The following IL1RAPL1 variants were observed in gnomAD, a reference collection of about 807,000 sequenced individuals.
IL1RAPL1 encodes interleukin-1 receptor accessory protein-like 1.
In IL1RAPL1, 3 loss-of-function variants were observed where a neutral mutation model predicts 48.4. That is an observed-to-expected ratio of 0.06 (90% confidence interval 0.03 to 0.16). IL1RAPL1 has a LOEUF of 0.16. Among genes scored for constraint, IL1RAPL1 ranks in the 10% least tolerant of loss-of-function variants. The pLI is 1.00. For missense variants in IL1RAPL1, 349 were observed against 530.6 expected, an observed-to-expected ratio of 0.66 and a Z score of 3.36; for synonymous variants, 185 against 187.7, an observed-to-expected ratio of 0.99 and a Z score of 0.12.
chrX:29,949,129 TAAAGAG>T (rs1481716742), intron 9 of IL1RAPL1, among the ~76,000 whole-genome samples: 3 of 112,151 alleles, frequency 2.7e-5, no homozygotes, highest in Non-Finnish European at 3.8e-5. Flanking sequence ...TCTCATATGT[TAAAGAG>T]AAAGGTGCAT....
intron 5 of IL1RAPL1, among the ~76,000 whole-genome samples, chrX:29,506,906 A>G (rs1190426604): frequency 1.8e-5 from 2 of 110,877 alleles, no homozygotes; most frequent in African/African-American, 3.3e-5. Context: ...GCTCACCTCA[A>G]TCTCACTTTC....
chrX:29,430,215 A>C (rs148930335), intron 5 of IL1RAPL1, among the ~76,000 whole-genome samples: 2 of 111,117 alleles, frequency 1.8e-5, no homozygotes, highest in Non-Finnish European at 3.8e-5. Flanking sequence ...AAAATAACAC[A>C]AACTTCCTGG....
At chrX:29,795,783 G>A (rs1929730529) in intron 6 of IL1RAPL1, among the ~76,000 whole-genome samples, 1 of 112,838 alleles carries the variant, frequency 8.9e-6, no homozygotes, top group African/African-American at 3.2e-5. Context: ...TGTTGAAGAA[G>A]ACCAAGTCTG....
chrX:29,128,484 T>C (rs902897846), intron 2 of IL1RAPL1, among the ~76,000 whole-genome samples: 1 of 111,793 alleles, frequency 8.9e-6, no homozygotes, highest in Non-Finnish European at 1.9e-5. Flanking sequence ...AAGCACCTTC[T>C]GTCTCTTTGA....
At chrX:29,708,152 G>A (rs1927250949) in intron 6 of IL1RAPL1, among the ~76,000 whole-genome samples, 1 of 109,769 alleles carries the variant, frequency 9.1e-6, no homozygotes, top group Non-Finnish European at 1.9e-5. Context: ...GTATATTTTT[G>A]AACTATAATG....
intron 2 of IL1RAPL1, among the ~76,000 whole-genome samples, chrX:28,972,222 A>G (rs777822930): frequency 1.8e-5 from 2 of 111,157 alleles, no homozygotes; most frequent in African/African-American, 6.5e-5. Context: ...ATGAAATCCA[A>G]ACTTTTTGGC....
At chrX:28,879,619 G>A (rs989481565) in intron 2 of IL1RAPL1, among the ~76,000 whole-genome samples, 1 of 111,703 alleles carries the variant, frequency 9.0e-6, no homozygotes, top group Non-Finnish European at 1.9e-5. Flanking sequence ...TAGTAATTCT[G>A]TGAATGCATG....
At chrX:28,905,279 AG>A (rs1173377056) in intron 2 of IL1RAPL1, among the ~76,000 whole-genome samples, 1 of 111,608 alleles carries the variant, frequency 9.0e-6, no homozygotes, top group Non-Finnish European at 1.9e-5. Flanking sequence ...ATGAGAAATA[AG>A]GGCTTCTATT....
rs180864257 is a variant in IL1RAPL1 at position 29,760,548 on chromosome X, G to A, written c.778+92044G>A. Among the ~76,000 whole-genome samples, 476 of 111,556 alleles carry A rather than the reference G, an allele frequency of 4.3e-3. 2 individuals are homozygous for A. The highest frequency in any genetic ancestry group is 0.015 in the African/African-American group (448 of 30,702). On this transcript the variant is annotated intron_variant, in intron 6 of 10. Coordinates refer to ENST00000378993, the MANE Select transcript of IL1RAPL1 (RefSeq NM_014271.4). Reference sequence around the variant, plus strand: ...GACTCTTAAAAGATGCAGACTTTTGGGCCCCATCACAGGTCTAGCAAATCG... The same window carrying A: ...GACTCTTAAAAGATGCAGACTTTTGAGCCCCATCACAGGTCTAGCAAATCG...
intron 6 of IL1RAPL1, among the ~76,000 whole-genome samples, chrX:29,895,324 G>T (rs1478178157): frequency 1.8e-5 from 2 of 110,500 alleles, no homozygotes; most frequent in African/African-American, 6.6e-5. Flanking sequence ...GCTGAGGCGG[G>T]TGGATCACTT....
intron 5 of IL1RAPL1, among the ~76,000 whole-genome samples, chrX:29,645,223 C>T (rs1426029725): frequency 9.0e-6 from 1 of 111,480 alleles, no homozygotes; most frequent in African/African-American, 3.3e-5. Flanking sequence ...CAGAATAGGA[C>T]TCTCCAGCCA....
At chrX:29,126,197 C>G (rs1246775263) in intron 2 of IL1RAPL1, among the ~76,000 whole-genome samples, 1 of 111,182 alleles carries the variant, frequency 9.0e-6, no homozygotes, top group East Asian at 2.8e-4. Flanking sequence ...AACTTTTTTT[C>G]CACATATGGC....
At chrX:28,627,173 A>G (rs1934348912) in intron 1 of IL1RAPL1, among the ~76,000 whole-genome samples, 1 of 112,281 alleles carries the variant, frequency 8.9e-6, no homozygotes, top group South Asian at 3.7e-4. Context: ...CCCTTTAACT[A>G]AATTGAGAAA....
In IL1RAPL1 at chrX:29,134,117, G is replaced by A. The variant is rs73631635; in HGVS notation, c.83-148821G>A. ...TGAAAAATGGCTTAAACTTTTGGTC[G>A]TTTCCACCTTTTGGAAAATATAAAT... is the stretch of plus-strand genomic sequence containing the variant. On this transcript the variant is annotated intron_variant, in intron 2 of 10. Coordinates refer to ENST00000378993, the MANE Select transcript of IL1RAPL1 (RefSeq NM_014271.4). Among the ~76,000 whole-genome samples the A allele has an allele frequency of 6.2e-3, 695 of 111,613 alleles. 5 individuals carry two copies. Among genetic ancestry groups the A allele is most frequent in the African/African-American group, 0.021 (653 of 30,780 alleles).
intron 5 of IL1RAPL1, among the ~76,000 whole-genome samples, chrX:29,422,530 A>G (rs1934303195): frequency 8.9e-6 from 1 of 112,120 alleles, no homozygotes; most frequent in African/African-American, 3.2e-5. Flanking sequence ...CCCAAATGGT[A>G]TATCTCTTCA....
intron 2 of IL1RAPL1, among the ~76,000 whole-genome samples, chrX:28,925,193 T>A (rs1191185764): frequency 8.9e-6 from 1 of 112,005 alleles, no homozygotes; most frequent in Non-Finnish European, 1.9e-5. Context: ...TGTGACTTAA[T>A]AGCTGGAAGG....
intron 2 of IL1RAPL1, among the ~76,000 whole-genome samples, chrX:29,081,777 A>G (rs1412271605): frequency 9.1e-6 from 1 of 110,398 alleles, no homozygotes; most frequent in Non-Finnish European, 1.9e-5. Context: ...TATTTAGCTC[A>G]GGTTTTAGAA....
intron 6 of IL1RAPL1, among the ~76,000 whole-genome samples, chrX:29,669,531 TA>T (rs1264320124): frequency 1.8e-5 from 2 of 111,629 alleles, no homozygotes; most frequent in Non-Finnish European, 1.9e-5. Flanking sequence ...TGATAATCTT[TA>T]CTAATAACAT....
intron 2 of IL1RAPL1, among the ~76,000 whole-genome samples, chrX:29,154,571 C>G (rs1480084424): frequency 9.0e-6 from 1 of 110,752 alleles, no homozygotes; most frequent in Non-Finnish European, 1.9e-5. Context: ...CAAACTGTTA[C>G]TAGTTAATCT....
Sources: gnomAD v4.1 joint callset for allele counts (sites outside exome capture counted in the v4.1 genomes callset) on GRCh38, gnomAD v4.1.1 for gene constraint, MANE v1.5 for transcripts, NCBI Gene and HGNC (gene_info 2026-07-23, HGNC 2026-07-21) for gene names.